Variants in ADGRB3 observed in about 807,000 individuals in gnomAD.
ADGRB3 encodes the protein adhesion G protein-coupled receptor B3.
Under a neutral mutation model 193.4 loss-of-function variants are expected in ADGRB3, and 37 were observed. That is an observed-to-expected ratio of 0.19 (90% CI 0.15 to 0.25). The LOEUF is 0.25. Among genes scored for constraint, ADGRB3 ranks in the 10% least tolerant of loss-of-function variants. The pLI is 1.00. For synonymous variants in ADGRB3, 690 were observed against 644.2 expected (o/e 1.07, Z -1.08); for missense variants, 1,637 against 1,852.9 (o/e 0.88, Z 2.14).
chr6:68,700,111 C>T (rs1001944067), intron 3 of ADGRB3, among the ~76,000 whole-genome samples: 1 of 152,114 alleles, frequency 6.6e-6, no homozygotes, highest in African/African-American at 2.4e-5. Flanking sequence ...TGGTCTTCAC[C>T]TTAATGCAAA....
chr6:69,026,617 A>G (rs1283216961), intron 13 of ADGRB3, among the ~76,000 whole-genome samples: 5 of 152,190 alleles, frequency 3.3e-5, no homozygotes, highest in African/African-American at 9.7e-5. Flanking sequence ...TAAGAAATGC[A>G]TCCTTAGACT....
rs551265452 is a variant in ADGRB3, at chr6:69,067,359, G to A, written c.2436+4323G>A. The stretch of plus-strand genomic sequence containing the variant: ...ACAAATTAAGAAATTTGTTTTATGT[G>A]TATAAACCAATTTTAAATGAAAATT... On this transcript the variant is annotated intron_variant, in intron 16 of 31. Transcript: ENST00000370598. Among the ~76,000 whole-genome samples, 133 of 152,166 alleles carry A rather than the reference G, an allele frequency of 8.7e-4. No homozygotes were observed. The Middle Eastern group carries it at 0.02, about 23-fold the overall frequency.
chr6:68,960,126 A>G (rs778769956), intron 8 of ADGRB3, among the ~76,000 whole-genome samples: 3 of 152,174 alleles, frequency 2.0e-5, no homozygotes, highest in Non-Finnish European at 4.4e-5. Flanking sequence ...TGCTACTTCT[A>G]TAACTCCAAT....
At chr6:68,936,864 G>A (rs1767498664) in intron 5 of ADGRB3, among the ~76,000 whole-genome samples, 184 bp downstream of exon 5, 1 of 152,200 alleles carries the variant, frequency 6.6e-6, no homozygotes, top group African/African-American at 2.4e-5. Context: ...AAAGCAGTCA[G>A]CAAATTAGGT....
chr6:68,686,779 C>A (rs568300978), intron 3 of ADGRB3, among the ~76,000 whole-genome samples: 2 of 152,250 alleles, frequency 1.3e-5, no homozygotes, highest in Admixed American at 1.3e-4. Flanking sequence ...ATCACATCAT[C>A]TTCTCCTTTC....
chr6:69,313,146 C>T lies in ADGRB3; in HGVS notation c.2815-11726C>T, dbSNP rs1768233838. ...TTGCTTATTCTAAATCCTGGATGCACATTAGAATCACCTGAGGCACCTTAG... is the reference window on the plus strand; with the variant it reads ...TTGCTTATTCTAAATCCTGGATGCATATTAGAATCACCTGAGGCACCTTAG... On this transcript the variant is annotated intron_variant, in intron 20 of 31. Transcript: ENST00000370598. Among the ~76,000 whole-genome samples the T allele has an allele frequency of 2.0e-5, 3 of 151,966 alleles. No individual in the cohort carries two copies. The South Asian group carries it at 6.2e-4, about 31-fold the overall frequency.
intron 20 of ADGRB3, among the ~76,000 whole-genome samples, chr6:69,299,243 G>GT (rs951877123): frequency 6.6e-6 from 1 of 151,442 alleles, no homozygotes; most frequent in Non-Finnish European, 1.5e-5. Flanking sequence ...TGTCTTTTGG[G>GT]TTTTTTGTTT....
At chr6:68,653,633 A>G (rs1768423607) in intron 3 of ADGRB3, among the ~76,000 whole-genome samples, 1 of 152,116 alleles carries the variant, frequency 6.6e-6, no homozygotes, top group Non-Finnish European at 1.5e-5. Context: ...GTATATTTTT[A>G]TAGGAGACTA....
chr6:69,031,054 CTCT>C lies in ADGRB3; in HGVS notation c.2107+12559_2107+12561del, dbSNP rs1208004902. ...CTTCTCTTCTCTCTTCTCTTCTCTTCTCTTCTCTTCTCTTCTCTTCTCTTCTCT... is the reference window on the plus strand; with the variant it reads ...CTTCTCTTCTCTCTTCTCTTCTCTTCTCTCTTCTCTTCTCTTCTCTTCTCT... On this transcript the variant is annotated intron_variant, in intron 13 of 31. Transcript: ENST00000370598. Among the ~76,000 whole-genome samples the C allele has an allele frequency of 6.7e-4, 16 of 23,922 alleles. 3 individuals are homozygous for C. Among genetic ancestry groups the C allele is most frequent in the African/African-American group, 1.5e-3 (11 of 7,152 alleles). The allele number at this position is 23,922 out of a possible 152,430, so 15.7% of individuals were successfully genotyped here.
chr6:69,251,195 A>G (rs1414025446), intron 20 of ADGRB3, among the ~76,000 whole-genome samples: 1 of 152,126 alleles, frequency 6.6e-6, no homozygotes, highest in Non-Finnish European at 1.5e-5. Context: ...TAACTTTTTT[A>G]TATTCCTCCC....
At chr6:68,717,204 A>G (rs543388232) in intron 3 of ADGRB3, among the ~76,000 whole-genome samples, 1 of 151,858 alleles carries the variant, frequency 6.6e-6, no homozygotes, top group Non-Finnish European at 1.5e-5. Flanking sequence ...CTTCTGCCGT[A>G]TCAACAGTTT....
At chr6:69,189,012 A>G (rs896923129) in intron 17 of ADGRB3, among the ~76,000 whole-genome samples, 1 of 152,242 alleles carries the variant, frequency 6.6e-6, no homozygotes, top group Non-Finnish European at 1.5e-5. Flanking sequence ...TTTAAACTTA[A>G]TTAAACAGGA....
intron 17 of ADGRB3, among the ~76,000 whole-genome samples, chr6:69,135,525 C>G (rs1162513938): frequency 6.6e-6 from 1 of 151,874 alleles, no homozygotes; most frequent in Non-Finnish European, 1.5e-5. Context: ...GCATTAATTT[C>G]TATGTATGAT....
intron 3 of ADGRB3, among the ~76,000 whole-genome samples, chr6:68,687,055 T>G (rs903428827): frequency 3.9e-5 from 6 of 152,122 alleles, no homozygotes; most frequent in Non-Finnish European, 8.8e-5. Context: ...TTTTGCCATA[T>G]GTATATGGAT....
At position 69,106,411 on chromosome 6, in the gene ADGRB3, C is replaced by T. The variant is rs569045413; in HGVS notation, c.2480+30373C>T. On this transcript the variant is annotated intron_variant, in intron 17 of 31. Coordinates refer to ENST00000370598, the MANE Select transcript of ADGRB3 (RefSeq NM_001704.3). ...CTAGGTTGAAGTTATATTTCTGCAC[C>T]TCTATTTTCATTAGGCCTTATTTTT... is the stretch of plus-strand genomic sequence containing the variant. 2.0e-5 allele frequency among the ~76,000 whole-genome samples: 3 copies of T among 152,144 alleles called. No homozygotes were observed. The South Asian group carries it at 6.2e-4, about 32-fold the overall frequency.
At chr6:69,260,227 G>A (rs1766895003) in intron 20 of ADGRB3, among the ~76,000 whole-genome samples, 1 of 152,178 alleles carries the variant, frequency 6.6e-6, no homozygotes, top group Non-Finnish European at 1.5e-5. Flanking sequence ...GACTGGATGA[G>A]AATGGCTTTT....
chr6:69,065,127 G>A (rs1252892061), intron 16 of ADGRB3, among the ~76,000 whole-genome samples: 1 of 152,150 alleles, frequency 6.6e-6, no homozygotes, highest in East Asian at 1.9e-4. Flanking sequence ...TCAGTATTTT[G>A]AGTAAGTGAA....
At chr6:69,342,389 T>C (rs188442714) in intron 26 of ADGRB3, among the ~76,000 whole-genome samples, 2 of 152,238 alleles carry the variant, frequency 1.3e-5, no homozygotes, top group African/African-American at 4.8e-5. Context: ...ATAACATTAC[T>C]GTAAATACAC....
chr6:68,993,742 T>A, intron 10 of ADGRB3, 26 bp from the exon 11 acceptor site: 1 of 1,593,168 alleles, frequency 6.3e-7, no homozygotes, highest in Non-Finnish European at 8.6e-7. Flanking sequence ...ATTCTGATGT[T>A]TGCTCTGTTC....
Sources: allele counts gnomAD v4.1 joint callset (sites outside exome capture counted in the v4.1 genomes callset), GRCh38; gene constraint gnomAD v4.1.1; transcripts MANE v1.5; gene names NCBI Gene and HGNC (gene_info 2026-07-23, HGNC 2026-07-21).